Variants in FSTL4 observed in about 807,000 individuals in gnomAD.
FSTL4 encodes the protein follistatin-related protein 4.
In FSTL4, 28 loss-of-function variants were observed where a neutral mutation model predicts 78.2. The ratio of observed to expected loss-of-function variants is 0.36; its 90% CI spans 0.27 to 0.49. The LOEUF (loss-of-function observed/expected upper bound fraction) is 0.49, where lower values mean the gene tolerates loss of function less well. Ranked by LOEUF, FSTL4 falls within the 20% of genes least tolerant of loss-of-function variation. The pLI, the probability that FSTL4 is intolerant of heterozygous loss-of-function variation, is 0.98. For synonymous variants in FSTL4, 422 were observed against 440.5 expected, an observed-to-expected ratio of 0.96 and a Z score of 0.53; for missense variants, 922 against 1,084.9, an observed-to-expected ratio of 0.85 and a Z score of 2.11.
At chr5:133,395,360 C>T (rs747383883) in intron 4 of FSTL4, among the ~76,000 whole-genome samples, 4 of 152,160 alleles carry the variant, frequency 2.6e-5, no homozygotes, top group Admixed American at 6.5e-5. Flanking sequence ...TAACACTCAC[C>T]GCGAAGGTCC....
chr5:133,775,575 T>C, the FSTL4 span, among the ~76,000 whole-genome samples: 1 of 152,196 alleles, frequency 6.6e-6, no homozygotes, highest in Non-Finnish European at 1.5e-5. Context: ...ATCATAAAAT[T>C]GGAAGTACAT....
At chr5:133,497,388 TACATAGAGCACTGCTGAAC>T (rs1758388385) in intron 3 of FSTL4, among the ~76,000 whole-genome samples, 1 of 152,212 alleles carries the variant, frequency 6.6e-6, no homozygotes, top group Non-Finnish European at 1.5e-5. Context: ...CAGAATAATA[TACATAGAGCACTGCTGAAC>T]ACATAGTGCA....
chr5:133,337,572 TG>T (rs534899591), intron 4 of FSTL4, among the ~76,000 whole-genome samples: 180 of 152,244 alleles, frequency 1.2e-3, no homozygotes, highest in Non-Finnish European at 2.3e-3. Flanking sequence ...GAAAATAGTG[TG>T]GGACTAAAAG....
intron 13 of FSTL4, among the ~76,000 whole-genome samples, chr5:133,213,115 GT>G (rs1384704112): frequency 6.7e-6 from 1 of 149,940 alleles, no homozygotes; most frequent in Non-Finnish European, 1.5e-5. Flanking sequence ...TGATTCTCCT[GT>G]TTCAGCCTCC....
chr5:133,798,214 A>G, the FSTL4 span, among the ~76,000 whole-genome samples: 64 of 152,298 alleles, frequency 4.2e-4, no homozygotes, highest in African/African-American at 1.3e-3. Flanking sequence ...CCTCAGGCCA[A>G]AAATAAGTAA....
chr5:133,325,641 G>A (rs762853241), intron 4 of FSTL4, among the ~76,000 whole-genome samples: 2 of 152,112 alleles, frequency 1.3e-5, no homozygotes, highest in Non-Finnish European at 2.9e-5. Context: ...AACAAATGGG[G>A]TGAGGATCTC....
chr5:133,656,826 G>A, the FSTL4 span, among the ~76,000 whole-genome samples: 1 of 152,124 alleles, frequency 6.6e-6, no homozygotes, highest in Non-Finnish European at 1.5e-5. Context: ...AGACTGCAGG[G>A]TGCAAGAATA....
intron 3 of FSTL4, among the ~76,000 whole-genome samples, chr5:133,408,873 A>C (rs1217554440): frequency 6.6e-6 from 1 of 152,178 alleles, no homozygotes; most frequent in African/African-American, 2.4e-5. Context: ...CAATTCGGAC[A>C]CTGAATTGGT....
intron 2 of FSTL4, among the ~76,000 whole-genome samples, chr5:133,593,425 G>A (rs184051140): frequency 1.3e-5 from 2 of 152,218 alleles, no homozygotes; most frequent in African/African-American, 2.4e-5. Context: ...GACGGTAAAG[G>A]AGGGGGCTGG....
At chr5:133,304,012 T>C (rs921817478) in intron 6 of FSTL4, among the ~76,000 whole-genome samples, 5 of 152,226 alleles carry the variant, frequency 3.3e-5, no homozygotes, top group Middle Eastern at 3.4e-3. Context: ...GCCTCGGCCA[T>C]GCAAAGATTT....
chr5:133,411,978 A>C (rs960206844), intron 3 of FSTL4, among the ~76,000 whole-genome samples: 4 of 152,192 alleles, frequency 2.6e-5, no homozygotes, highest in African/African-American at 9.6e-5. Context: ...AAACCATAAA[A>C]TATTAGTAAA....
At chr5:133,427,372 C>A (rs1312920374) in intron 3 of FSTL4, among the ~76,000 whole-genome samples, 4 of 152,174 alleles carry the variant, frequency 2.6e-5, no homozygotes, top group Admixed American at 6.5e-5. Context: ...AGGATGTAGC[C>A]CCTTTTGGCA....
the FSTL4 span, among the ~76,000 whole-genome samples, chr5:133,659,222 A>G: frequency 6.6e-6 from 1 of 152,080 alleles, no homozygotes; most frequent in Non-Finnish European, 1.5e-5. Flanking sequence ...TATTTTTTAA[A>G]TTTATTTCCC....
the FSTL4 span, among the ~76,000 whole-genome samples, chr5:133,730,893 G>T: frequency 6.6e-6 from 1 of 152,210 alleles, no homozygotes; most frequent in South Asian, 2.1e-4. Context: ...CCAAGAATGG[G>T]GTGCTTAATG....
chr5:133,772,698 T>C, the FSTL4 span, among the ~76,000 whole-genome samples: 1 of 152,144 alleles, frequency 6.6e-6, no homozygotes, highest in Non-Finnish European at 1.5e-5. Context: ...TTTACTTTTA[T>C]AACAAATCCA....
chr5:133,690,984 C>T, the FSTL4 span, among the ~76,000 whole-genome samples: 5 of 152,070 alleles, frequency 3.3e-5, no homozygotes, highest in Admixed American at 1.3e-4. Context: ...AGCTAACTAG[C>T]GGGGAGAACT....
chr5:133,299,302 C>G (rs1462978404), intron 6 of FSTL4, among the ~76,000 whole-genome samples: 1 of 152,216 alleles, frequency 6.6e-6, no homozygotes, highest in Non-Finnish European at 1.5e-5. Context: ...TGTCCCCAGT[C>G]TCTCTCCTTA....
chr5:133,829,947 T>A, the FSTL4 span, among the ~76,000 whole-genome samples: 1 of 151,776 alleles, frequency 6.6e-6, no homozygotes, highest in Non-Finnish European at 1.5e-5. Flanking sequence ...TCCCATGAGG[T>A]CTTGAACAAG....
At chr5:133,841,722 T>G in the FSTL4 span, among the ~76,000 whole-genome samples, 1 of 152,232 alleles carries the variant, frequency 6.6e-6, no homozygotes, top group Non-Finnish European at 1.5e-5. Flanking sequence ...CAGCTGATGA[T>G]GCTCCAAAGC....
Sources: gnomAD v4.1 joint callset for allele counts (sites outside exome capture counted in the v4.1 genomes callset) on GRCh38, gnomAD v4.1.1 for gene constraint, MANE v1.5 for transcripts, NCBI Gene and HGNC (gene_info 2026-07-23, HGNC 2026-07-21) for gene names.